The following TLCD4 variants were observed in gnomAD, a reference collection of about 807,000 sequenced individuals.
TLCD4 encodes TLC domain containing 4, also known as TLC domain-containing protein 4.
A neutral mutation model predicts 24.2 loss-of-function variants in TLCD4; 7 were observed. The ratio of observed to expected loss-of-function variants is 0.29; its 90% CI spans 0.16 to 0.54. TLCD4 has a LOEUF of 0.54. Ranked by LOEUF, TLCD4 falls within the 20% of genes least tolerant of loss-of-function variation. The pLI is 0.95. For synonymous variants in TLCD4, 103 were observed against 106.4 expected (o/e 0.97, Z 0.20); for missense variants, 259 against 313.9 (o/e 0.82, Z 1.32).
chr1:95,101,054 C>G, the TLCD4 span, among the ~76,000 whole-genome samples: 2 of 151,850 alleles, frequency 1.3e-5, no homozygotes, highest in African/African-American at 4.8e-5. Flanking sequence ...ATTACAGGCG[C>G]CCGCCAATGT....
At chr1:95,111,605 T>C in the TLCD4 span, among the ~76,000 whole-genome samples, 1 of 152,152 alleles carries the variant, frequency 6.6e-6, no homozygotes, top group African/African-American at 2.4e-5. Flanking sequence ...AAGCCAGAAA[T>C]TGGACAGAGA....
intron 6 of TLCD4, among the ~76,000 whole-genome samples, chr1:95,189,323 G>A (rs1678943747): frequency 6.6e-6 from 1 of 152,042 alleles, no homozygotes; most frequent in African/African-American, 2.4e-5. Flanking sequence ...TCCTTTCAGG[G>A]ATGTTATATC....
At chr1:95,184,465 T>C (rs1678761917) in intron 6 of TLCD4, among the ~76,000 whole-genome samples, 1 of 152,194 alleles carries the variant, frequency 6.6e-6, no homozygotes, top group South Asian at 2.1e-4. Flanking sequence ...ACACAATTTT[T>C]AGTGAGTACG....
At chr1:95,118,154 C>G (rs759978730) in intron 1 of TLCD4, 3 of 152,240 alleles carry the variant, frequency 2.0e-5, no homozygotes, top group Non-Finnish European at 2.9e-5. Flanking sequence ...CCTTGCAGTT[C>G]TCAAGTGGGT....
intron 5 of TLCD4, among the ~76,000 whole-genome samples, chr1:95,153,603 A>G (rs899154504): frequency 6.6e-6 from 1 of 152,156 alleles, no homozygotes; most frequent in South Asian, 2.1e-4. Context: ...TTTAGATTCT[A>G]TTAGAGGAGG....
chr1:95,191,841 T>C lies in TLCD4; in HGVS notation c.765T>C (p.Asn255=), dbSNP rs544275254. 1 of 1,613,918 alleles carries C rather than the reference T, an allele frequency of 6.2e-7. No homozygotes were observed. Among genetic ancestry groups the C allele is most frequent in the South Asian group, 1.1e-5 (1 of 91,046 alleles). ...ISHIRQEKAK[N]SLQNGKLD ...ACATCAGACAAGAGAAAGCCAAAAATAGTCTTCAGAATGGAAAACTTGATT... is the reference window on the plus strand; with the variant it reads ...ACATCAGACAAGAGAAAGCCAAAAACAGTCTTCAGAATGGAAAACTTGATT... Residue 255 remains asparagine, a synonymous_variant, in exon 7 of 7, where the codon AAT becomes AAC. Coordinates refer to ENST00000370203, the MANE Select transcript of TLCD4 (RefSeq NM_152487.3).
upstream of TLCD4, among the ~76,000 whole-genome samples, chr1:95,112,723 C>T (rs1297356323): frequency 2.0e-5 from 3 of 152,132 alleles, no homozygotes; most frequent in African/African-American, 7.2e-5. Context: ...CCTCTAGTAC[C>T]TCTTCTGAGT....
intron 5 of TLCD4, 59 bp from the exon 6 acceptor site, chr1:95,173,757 A>G (rs971306507): frequency 1.9e-6 from 3 of 1,607,930 alleles, no homozygotes; most frequent in Non-Finnish European, 2.6e-6. Context: ...TTTCTACGGT[A>G]TTTGGGAATT....
chr1:95,122,464 C>T (rs1676596236), intron 1 of TLCD4, among the ~76,000 whole-genome samples: 1 of 152,212 alleles, frequency 6.6e-6, no homozygotes, highest in Non-Finnish European at 1.5e-5. Flanking sequence ...GACCTAGTTG[C>T]AGCCTCCCCT....
chr1:95,134,256 T>C (rs1340183521), intron 1 of TLCD4, among the ~76,000 whole-genome samples: 1 of 152,052 alleles, frequency 6.6e-6, no homozygotes, highest in Non-Finnish European at 1.5e-5. Flanking sequence ...ACGACATCAG[T>C]GAGCCAGGGC....
chr1:95,145,476 A>C (rs1025561110), intron 2 of TLCD4, among the ~76,000 whole-genome samples: 1 of 152,158 alleles, frequency 6.6e-6, no homozygotes, highest in African/African-American at 2.4e-5. Context: ...AAAAAGCAAG[A>C]ATTATTTCTC....
chr1:95,143,441 C>A (rs1360005386), intron 1 of TLCD4, among the ~76,000 whole-genome samples: 2 of 151,974 alleles, frequency 1.3e-5, no homozygotes, highest in East Asian at 3.9e-4. Context: ...TTATTACAGG[C>A]AGTGTTAGTT....
intron 6 of TLCD4, among the ~76,000 whole-genome samples, chr1:95,190,111 C>CT (rs1374890368): frequency 9.2e-4 from 94 of 102,230 alleles, no homozygotes; most frequent in African/African-American, 3.6e-3. Flanking sequence ...TTTTTTTTTT[C>CT]TTTTTTTTTG....
chr1:95,173,428 G>C (rs1678300575), intron 5 of TLCD4, among the ~76,000 whole-genome samples: 1 of 151,978 alleles, frequency 6.6e-6, no homozygotes, highest in Non-Finnish European at 1.5e-5. Flanking sequence ...TCCTGCCTCA[G>C]CCTCCCGAGT....
chr1:95,130,605 T>C (rs978387303), intron 1 of TLCD4, among the ~76,000 whole-genome samples: 2 of 152,184 alleles, frequency 1.3e-5, no homozygotes, highest in African/African-American at 4.8e-5. Context: ...GGCCAGGGTT[T>C]TTTATTTGTT....
chr1:95,191,469 TA>T lies in TLCD4; in HGVS notation c.474-77del, dbSNP rs1413225603. 8.0e-6 allele frequency: 12 copies of T among 1,501,306 alleles called. No homozygotes were observed. The Admixed American group carries it at 2.8e-4, about 35-fold the overall frequency. 93.0% of individuals were successfully genotyped at this position (1,501,306 alleles called of 1,614,324 possible). ...CCTTTGCTCCTCCTTCACTGAATTT[TA>T]AAATTTAAAAACTAAAATAAAAATG... On this transcript the variant is annotated intron_variant, in intron 6 of 6. Transcript: ENST00000370203.
chr1:95,191,625 A>G lies in TLCD4; in HGVS notation c.549A>G (p.Val183=). ...TCAATGGAATACTCATGACAGTAGT[A>G]TTCTTCATCGTGCGGATTGCCTCAA... ...IVINGILMTV[V]FFIVRIASML... is the part of the protein sequence containing the mutation. Residue 183 remains valine, a synonymous_variant, in exon 7 of 7, where the codon GTA becomes GTG. Coordinates refer to ENST00000370203, the MANE Select transcript of TLCD4 (RefSeq NM_152487.3). 1 of 1,614,194 alleles carries G rather than the reference A, an allele frequency of 6.2e-7. No homozygotes were observed. The highest frequency in any genetic ancestry group is 8.5e-7 in the Non-Finnish European group (1 of 1,180,034).
intron 6 of TLCD4, among the ~76,000 whole-genome samples, chr1:95,178,242 C>T (rs555414536): frequency 7.8e-4 from 118 of 150,978 alleles, no homozygotes; most frequent in African/African-American, 2.7e-3. Context: ...CCACTGCACC[C>T]GGCCTCTTTT....
At chr1:95,179,969 AC>A (rs1678576251) in intron 6 of TLCD4, among the ~76,000 whole-genome samples, 1 of 152,238 alleles carries the variant, frequency 6.6e-6, no homozygotes, top group East Asian at 1.9e-4. Context: ...TGTGTATATT[AC>A]TATACTTAAT....
Sources: gnomAD v4.1 joint callset for allele counts (sites outside exome capture counted in the v4.1 genomes callset) on GRCh38, gnomAD v4.1.1 for gene constraint, MANE v1.5 for transcripts, NCBI Gene and HGNC (gene_info 2026-07-23, HGNC 2026-07-21) for gene names.